The following TTBK2 variants were observed in gnomAD, a reference collection of about 807,000 sequenced individuals.
TTBK2 encodes tau tubulin kinase 2, also known as tau-tubulin kinase 2.
In TTBK2, 28 loss-of-function variants were observed where a neutral mutation model predicts 110.8. The observed-to-expected ratio is 0.25, with a 90% CI of 0.19 to 0.35. The LOEUF (loss-of-function observed/expected upper bound fraction) is 0.35. TTBK2 is among the 10% of genes least tolerant of loss of function. The pLI is 1.00. For synonymous variants in TTBK2, 532 were observed against 527.3 expected, an observed-to-expected ratio of 1.01 and a Z score of -0.12; for missense variants, 1,369 against 1,500.3, an observed-to-expected ratio of 0.91 and a Z score of 1.45.
At chr15:42,907,748 G>T (rs1255225415) in intron 1 of TTBK2, among the ~76,000 whole-genome samples, 2 of 151,836 alleles carry the variant, frequency 1.3e-5, no homozygotes, top group African/African-American at 4.8e-5. Flanking sequence ...GGTAAAGATG[G>T]TAAATCTTAT....
intron 4 of TTBK2, among the ~76,000 whole-genome samples, chr15:42,832,250 C>A (rs187330694): frequency 1.3e-5 from 2 of 151,808 alleles, no homozygotes; most frequent in African/African-American, 4.8e-5. Context: ...ATTGTGATGC[C>A]GAAAATATAC....
intron 13 of TTBK2, among the ~76,000 whole-genome samples, chr15:42,764,303 A>G (rs1889249839): frequency 6.6e-6 from 1 of 152,242 alleles, no homozygotes; most frequent in Non-Finnish European, 1.5e-5. Context: ...AGGGCAGGGC[A>G]TCGCCTCACC....
At chr15:42,780,330 G>A (rs1567019658) in intron 11 of TTBK2, among the ~76,000 whole-genome samples, 1 of 150,674 alleles carries the variant, frequency 6.6e-6, no homozygotes, top group South Asian at 2.1e-4. Context: ...ACTGTGCCAG[G>A]GCAAGTCATT....
In TTBK2 at chr15:42,801,905, C is replaced by T. The variant is rs775924178; in HGVS notation, c.823-7104G>A. 5.9e-6 allele frequency: 9 copies of T among 1,531,818 alleles called. No individual in the cohort carries two copies. In the East Asian group the frequency reaches 1.8e-4, roughly 31 times the overall value. The allele number at this position is 1,531,818 out of a possible 1,614,324, so 94.9% of individuals were successfully genotyped here. On this transcript the variant is annotated intron_variant, in intron 9 of 14. Transcript: ENST00000267890. ...TTGTTCCTGAAGTCCTCCACCAGCC[C>T]ATGCATGTTGCCAAGCTCCGCCTCC...
chr15:42,911,071 TAGAAAA>T (rs896754378), intron 1 of TTBK2, among the ~76,000 whole-genome samples: 4 of 138,180 alleles, frequency 2.9e-5, no homozygotes, highest in Non-Finnish European at 3.1e-5. Context: ...GGTGAAAAAA[TAGAAAA>T]AGTTAACCTA....
intron 1 of TTBK2, among the ~76,000 whole-genome samples, chr15:42,898,516 G>GA (rs1014044218): frequency 9.2e-4 from 101 of 109,550 alleles, no homozygotes; most frequent in Admixed American, 1.7e-3. Context: ...GTCTCAAAAA[G>GA]AAAAAAAAAA....
chr15:42,869,221 G>A lies in TTBK2; in HGVS notation c.217+3390C>T, dbSNP rs145498818. The stretch of plus-strand genomic sequence containing the variant: ...TCATACCTCAGCCTCCAGGGTAGCT[G>A]AGATGACAGGCGCACGCCACCACGC... On this transcript the variant is annotated intron_variant, in intron 3 of 14. Coordinates refer to ENST00000267890, the MANE Select transcript of TTBK2 (RefSeq NM_173500.4). 3.5e-3 allele frequency among the ~76,000 whole-genome samples: 532 copies of A among 152,120 alleles called. 4 individuals carry two copies. Among genetic ancestry groups the A allele is most frequent in the African/African-American group, 0.012 (506 of 41,508 alleles).
intron 13 of TTBK2, among the ~76,000 whole-genome samples, chr15:42,763,143 C>CATATAT (rs1225785018): frequency 3.9e-5 from 2 of 51,152 alleles, no homozygotes; most frequent in Non-Finnish European, 6.1e-5. Context: ...TATATACATA[C>CATATAT]ATATATATAT....
intron 1 of TTBK2, among the ~76,000 whole-genome samples, chr15:42,905,099 T>C (rs1214111163): frequency 1.3e-5 from 2 of 152,098 alleles, no homozygotes; most frequent in African/African-American, 4.8e-5. Flanking sequence ...CTAGAACTCC[T>C]GGACTCAAGT....
intron 1 of TTBK2, among the ~76,000 whole-genome samples, chr15:42,883,673 C>T (rs1895137958): frequency 6.6e-6 from 1 of 151,584 alleles, no homozygotes; most frequent in South Asian, 2.1e-4. Context: ...CAGAAAGAAA[C>T]AGAAGAACAA....
intron 4 of TTBK2, among the ~76,000 whole-genome samples, chr15:42,830,959 C>T (rs1167351013): frequency 6.6e-6 from 1 of 151,482 alleles, no homozygotes; most frequent in East Asian, 1.9e-4. Context: ...GAGCCAAGAT[C>T]ACGCCACCGC....
At chr15:42,886,807 C>T (rs747093261) in intron 1 of TTBK2, among the ~76,000 whole-genome samples, 13 of 152,204 alleles carry the variant, frequency 8.5e-5, no homozygotes, top group African/African-American at 2.2e-4. Context: ...CTTCAAGTGC[C>T]GGAAATCTGG....
chr15:42,832,878 G>C (rs1892820266), intron 4 of TTBK2, among the ~76,000 whole-genome samples: 1 of 151,998 alleles, frequency 6.6e-6, no homozygotes. Flanking sequence ...TGGGGCCTTA[G>C]AAAGTATCTC....
Position 42,775,532 on chromosome 15 carries a change from C to A in TTBK2, c.1601G>T (p.Gly534Val), listed in dbSNP as rs780473530. 2 of 1,614,162 alleles carry A rather than the reference C, an allele frequency of 1.2e-6. No homozygotes were observed. The highest frequency in any genetic ancestry group is 1.7e-6 in the Non-Finnish European group (2 of 1,180,028). Reference sequence around the variant, plus strand: ...AGAGCTCAGGTTAACAGCTATAAATCCATTGCTGCCACCACCATCTGCCTG... The same window carrying A: ...AGAGCTCAGGTTAACAGCTATAAATACATTGCTGCCACCACCATCTGCCTG... Reference protein sequence around the residue: ...PEQADGGGSNGFIAVNLSSCK... With the variant: ...PEQADGGGSNVFIAVNLSSCK... The change falls in exon 13 of 15, where the codon GGA becomes GTA. Residue 534 changes from glycine (G) to valine (V), a missense_variant. By Grantham distance (109) the Gly-to-Val change is moderately radical. Around this residue, in one of 4 missense-constraint regions of TTBK2, gnomAD observed 1,097 missense variants for 1,114.7 expected, o/e 0.98. Transcript: ENST00000267890.
intron 13 of TTBK2, among the ~76,000 whole-genome samples, chr15:42,766,258 C>T (rs905434205): frequency 8.6e-5 from 13 of 151,718 alleles, no homozygotes; most frequent in Admixed American, 6.6e-4. Flanking sequence ...GGATCAAATG[C>T]ACACATAACA....
intron 6 of TTBK2, among the ~76,000 whole-genome samples, chr15:42,825,688 C>T (rs1372131914): frequency 6.6e-6 from 1 of 152,098 alleles, no homozygotes; most frequent in African/African-American, 2.4e-5. Context: ...GCACTCTGGC[C>T]TGGGCGACAG....
intron 1 of TTBK2, among the ~76,000 whole-genome samples, chr15:42,917,419 T>A (rs2031140440): frequency 6.6e-6 from 1 of 152,148 alleles, no homozygotes; most frequent in Non-Finnish European, 1.5e-5. Flanking sequence ...TGTTATAATA[T>A]AATTTCAATC....
rs2061765501 is a variant in TTBK2 at position 42,744,095 on chromosome 15, T to TA, written c.*1699dup. 1 of 152,246 alleles carries TA rather than the reference T, an allele frequency of 6.6e-6. No individual in the cohort carries two copies. Among genetic ancestry groups the TA allele is most frequent in the Non-Finnish European group, 1.5e-5 (1 of 68,044 alleles). The allele number at this position is 152,246 out of a possible 1,614,324, so 9.4% of individuals were successfully genotyped here. The stretch of plus-strand genomic sequence containing the variant: ...CTTCCAATATTACAGTTGCTTTAGA[T>TA]AAACAGCAAGTATGTCTTATCTATT... On this transcript the variant is annotated 3_prime_UTR_variant, in exon 15 of 15. Coordinates refer to ENST00000267890, the MANE Select transcript of TTBK2 (RefSeq NM_173500.4).
chr15:42,856,777 T>G (rs1269316909), intron 3 of TTBK2, among the ~76,000 whole-genome samples: 1 of 152,132 alleles, frequency 6.6e-6, no homozygotes, highest in Non-Finnish European at 1.5e-5. Flanking sequence ...AATAAAAATC[T>G]AATGCCAGGC....
Sources: allele counts gnomAD v4.1 joint callset (sites outside exome capture counted in the v4.1 genomes callset), GRCh38; gene constraint gnomAD v4.1.1; regional missense constraint gnomAD v4.1.1; transcripts MANE v1.5; gene names NCBI Gene and HGNC (gene_info 2026-07-23, HGNC 2026-07-21).